CCDC3: variants seen among roughly 807,000 people sequenced by gnomAD.
The protein encoded by CCDC3 is coiled-coil domain containing 3.
In CCDC3, 24 loss-of-function variants were observed where a neutral mutation model predicts 21.4. That is an observed-to-expected ratio of 1.12 (90% confidence interval 0.81 to 1.58). The LOEUF is 1.58. CCDC3 is among the 40% of genes most tolerant of loss of function. The pLI is 0.00. For synonymous variants in CCDC3, 186 were observed against 166.0 expected (o/e 1.12, Z -0.93); for missense variants, 425 against 360.9 (o/e 1.18, Z -1.44).
chr10:12,898,321 T>A lies in CCDC3; in HGVS notation c.*95A>T. Reference sequence around the variant, plus strand: ...CAAATGCGTGATTAAAAACAAAAACTCTTACAACCCTTGAAATAGCTGCAT... The same window carrying A: ...CAAATGCGTGATTAAAAACAAAAACACTTACAACCCTTGAAATAGCTGCAT... On this transcript the variant is annotated 3_prime_UTR_variant, in exon 3 of 3. Coordinates refer to ENST00000378825, the MANE Select transcript of CCDC3 (RefSeq NM_031455.4). 7.5e-7 allele frequency: 1 copy of A among 1,324,774 alleles called. No individual in the cohort carries two copies. The highest frequency in any genetic ancestry group is 2.5e-5 in the East Asian group (1 of 40,718). The allele number at this position is 1,324,774 out of a possible 1,614,324, so 82.1% of individuals were successfully genotyped here.
chr10:12,953,311 C>T (rs921447990), intron 2 of CCDC3, among the ~76,000 whole-genome samples: 2 of 152,154 alleles, frequency 1.3e-5, no homozygotes. Context: ...AATCACCTCC[C>T]ACCAGGTCCC....
rs1834764561 is a variant in CCDC3, at chr10:12,937,809, G to A, written c.550-39130C>T. On this transcript the variant is annotated intron_variant, in intron 2 of 2. Coordinates refer to ENST00000378825, the MANE Select transcript of CCDC3 (RefSeq NM_031455.4). ...CTGGCTCAGATGGGAGGCCACTACG[G>A]TCCCCTTACAAGAGTACTTCTCCAG... 2.0e-5 allele frequency among the ~76,000 whole-genome samples: 3 copies of A among 152,214 alleles called. No homozygotes were observed. The South Asian group carries it at 6.2e-4, about 32-fold the overall frequency.
intron 5 of CCDC3, among the ~76,000 whole-genome samples, chr10:13,032,973 C>T (rs1287955978): frequency 2.6e-5 from 4 of 152,106 alleles, no homozygotes; most frequent in Non-Finnish European, 5.9e-5. Context: ...ACTTTCTTCA[C>T]AGAATTGGAA....
At chr10:12,939,225 G>A (rs1834783185) in intron 2 of CCDC3, among the ~76,000 whole-genome samples, 1 of 152,230 alleles carries the variant, frequency 6.6e-6, no homozygotes, top group African/African-American at 2.4e-5. Context: ...TGGACAAGGT[G>A]TCCTTCTGAG....
At chr10:13,083,204 AT>A (rs1837063813) in intron 3 of CCDC3, among the ~76,000 whole-genome samples, 1 of 152,326 alleles carries the variant, frequency 6.6e-6, no homozygotes, top group Admixed American at 6.5e-5. Flanking sequence ...TTTACTGGAC[AT>A]TCTGCCAAAC....
At chr10:13,009,811 C>G (rs1026451620) in intron 5 of CCDC3, among the ~76,000 whole-genome samples, 15 of 152,254 alleles carry the variant, frequency 9.9e-5, no homozygotes, top group African/African-American at 3.4e-4. Flanking sequence ...GAAACCTCTG[C>G]TAACTTGAGT....
intron 2 of CCDC3, among the ~76,000 whole-genome samples, chr10:12,997,762 T>G (rs191712528): frequency 5.9e-5 from 9 of 152,354 alleles, no homozygotes; most frequent in African/African-American, 2.2e-4. Context: ...AGCATTACGC[T>G]AACGGATTTA....
At chr10:13,023,813 T>TCTGCAGATAAAGA (rs1836182097) in intron 5 of CCDC3, among the ~76,000 whole-genome samples, 1 of 152,162 alleles carries the variant, frequency 6.6e-6, no homozygotes, top group South Asian at 2.1e-4. Context: ...AGGGGTCTCT[T>TCTGCAGATAAAGA]GGGTGCAACG....
At chr10:12,959,387 C>T (rs377223546) in intron 2 of CCDC3, among the ~76,000 whole-genome samples, 128 of 152,132 alleles carry the variant, frequency 8.4e-4, no homozygotes, top group African/African-American at 1.9e-3. Flanking sequence ...AGGCTGGTCT[C>T]GAACTCCTGG....
At chr10:13,033,840 C>G (rs1277871052) in intron 5 of CCDC3, among the ~76,000 whole-genome samples, 1 of 152,180 alleles carries the variant, frequency 6.6e-6, no homozygotes, top group African/African-American at 2.4e-5. Context: ...AGTCATGAAA[C>G]AACAGGTGTT....
At chr10:13,077,082 A>C (rs905186042) in intron 3 of CCDC3, among the ~76,000 whole-genome samples, 6 of 152,254 alleles carry the variant, frequency 3.9e-5, no homozygotes, top group African/African-American at 1.4e-4. Flanking sequence ...CCCTATTTGC[A>C]CATGACATCA....
chr10:12,926,405 G>A (rs1019292609), intron 2 of CCDC3, among the ~76,000 whole-genome samples: 1 of 152,152 alleles, frequency 6.6e-6, no homozygotes, highest in African/African-American at 2.4e-5. Flanking sequence ...AACAGTCAGG[G>A]CTGGCATGGT....
chr10:12,928,814 TCTCCAAAGACG>T (rs1306243406), intron 2 of CCDC3, among the ~76,000 whole-genome samples: 1 of 152,078 alleles, frequency 6.6e-6, no homozygotes, highest in African/African-American at 2.4e-5. Context: ...TTCCAGCATC[TCTCCAAAGACG>T]CTCAGGTCTC....
chr10:12,999,040 G>C (rs1270040612), intron 1 of CCDC3, among the ~76,000 whole-genome samples: 1 of 152,134 alleles, frequency 6.6e-6, no homozygotes, highest in Non-Finnish European at 1.5e-5. Context: ...AGGAGTTCGA[G>C]ACCAGCCTGG....
At chr10:13,007,729 T>A (rs1216184552) in intron 5 of CCDC3, among the ~76,000 whole-genome samples, 1 of 152,178 alleles carries the variant, frequency 6.6e-6, no homozygotes, top group Admixed American at 6.5e-5. Flanking sequence ...ATAATTTTTT[T>A]AAAATCCTAA....
At chr10:13,002,553 A>AT (rs1358907979), upstream of CCDC3, among the ~76,000 whole-genome samples, 1 of 151,814 alleles carries the variant, frequency 6.6e-6, no homozygotes, top group African/African-American at 2.4e-5. Flanking sequence ...ACCCCGGATA[A>AT]TTTTTTGTTT....
At chr10:13,042,633 G>A (rs987188951) in intron 5 of CCDC3, among the ~76,000 whole-genome samples, 1 of 150,546 alleles carries the variant, frequency 6.6e-6, no homozygotes, top group Non-Finnish European at 1.5e-5. Context: ...TCTCAGCCGG[G>A]CGTGGTGGCT....
rs530089854 is a variant in CCDC3 at position 12,936,035 on chromosome 10, T to TCG, written c.550-37357_550-37356insCG. Among the ~76,000 whole-genome samples the TCG allele has an allele frequency of 2.1e-3, 322 of 152,352 alleles. 2 individuals carry two copies. Among genetic ancestry groups the TCG allele is most frequent in the African/African-American group, 7.4e-3 (309 of 41,586 alleles). On this transcript the variant is annotated intron_variant, in intron 2 of 2. Transcript: ENST00000378825. Reference sequence around the variant, plus strand: ...GTCAGATCAATGAAGATGACAGACATTGTATCTTGACTTACTCATTCTCAG... The same window carrying TCG: ...GTCAGATCAATGAAGATGACAGACATCGTGTATCTTGACTTACTCATTCTCAG...
chr10:12,995,422 A>T (rs1186777428), intron 2 of CCDC3, among the ~76,000 whole-genome samples: 1 of 152,170 alleles, frequency 6.6e-6, no homozygotes, highest in African/African-American at 2.4e-5. Context: ...TTGTATTTTT[A>T]GTAGAGATGG....
Sources: gnomAD v4.1 joint callset for allele counts (sites outside exome capture counted in the v4.1 genomes callset) on GRCh38, gnomAD v4.1.1 for gene constraint, MANE v1.5 for transcripts, NCBI Gene and HGNC (gene_info 2026-07-23, HGNC 2026-07-21) for gene names.